Variants in IGF2 observed in about 807,000 individuals in gnomAD.
The protein encoded by IGF2 is insulin like growth factor 2.
In IGF2, 2 loss-of-function variants were observed where a neutral mutation model predicts 12.0. That is an observed-to-expected ratio of 0.17 (90% CI 0.07 to 0.52). IGF2 has a LOEUF of 0.52. Ranked by LOEUF, IGF2 falls within the 20% of genes least tolerant of loss-of-function variation. IGF2 has a pLI of 0.95. For missense variants in IGF2, 211 were observed against 268.0 expected (o/e 0.79, Z 1.48); for synonymous variants, 105 against 110.1 (o/e 0.95, Z 0.29).
intron 2 of IGF2, among the ~76,000 whole-genome samples, chr11:2,134,840 C>T (rs1003908359): frequency 2.0e-5 from 3 of 152,332 alleles, no homozygotes; most frequent in Non-Finnish European, 2.9e-5. Flanking sequence ...GGGCACCCCC[C>T]ACGGCAGCCT....
In IGF2 at chr11:2,133,793, G is replaced by A. The variant is rs563848582; in HGVS notation, c.158-128C>T. Reference sequence around the variant, plus strand: ...CTGGAAGGACGCAGCCACCCTGCGGGTCAGGGGAGGGAAGTGAGAGCTGGC... The same window carrying A: ...CTGGAAGGACGCAGCCACCCTGCGGATCAGGGGAGGGAAGTGAGAGCTGGC... On this transcript the variant is annotated intron_variant, in intron 2 of 3. Transcript: ENST00000416167. This position sits in a 1 kb window ranked among gnomAD's most constrained non-coding sequence, Gnocchi z 8.9. 8.8e-7 allele frequency: 1 copy of A among 1,134,384 alleles called. No homozygotes were observed. Among genetic ancestry groups the A allele is most frequent in the Middle Eastern group, 2.8e-4 (1 of 3,514 alleles). 70.3% of individuals were successfully genotyped at this position (1,134,384 alleles called of 1,614,324 possible). A position where few individuals can be genotyped will look rare whatever the true frequency, so the allele number is the denominator to read the frequency against.
chr11:2,134,280 G>A (rs1858833634), intron 2 of IGF2: 1 of 399,764 alleles, frequency 2.5e-6, no homozygotes, highest in South Asian at 1.9e-5. Context: ...CAAAGGGCAG[G>A]TGCCATCAGC....
At chr11:2,147,759 G>A in the IGF2 span, 7 of 1,248,898 alleles carry the variant, frequency 5.6e-6, no homozygotes, top group South Asian at 2.4e-4. The surrounding 1 kb of genome is among the most constrained non-coding windows in gnomAD (Gnocchi z 7.2). Flanking sequence ...GGGGCTGGGG[G>A]CTGGAATCCA....
At chr11:2,149,466 C>G in the IGF2 span, 1 of 809,580 alleles carries the variant, frequency 1.2e-6, no homozygotes, top group Non-Finnish European at 2.0e-6. Context: ...TGGGTTTACC[C>G]CTCACCTCCT....
chr11:2,138,090 CT>C, intron 1 of IGF2, 138 bp downstream of exon 1: 1 of 367,876 alleles, frequency 2.7e-6, no homozygotes, highest in Non-Finnish European at 3.8e-6. Flanking sequence ...CCTCCTCCTC[CT>C]CCTCCCCCCC....
chr11:2,147,477 C>A, the IGF2 span: 5 of 520,188 alleles, frequency 9.6e-6, no homozygotes, highest in Admixed American at 8.8e-5. This position sits in a 1 kb window ranked among gnomAD's most constrained non-coding sequence, Gnocchi z 7.2. Context: ...GCCAAAGCTG[C>A]TTGCAGAAGG....
rs957056382 is a variant in IGF2, at chr11:2,138,391, G to A, written c.-169C>T. The A allele has an allele frequency of 1.5e-5, 8 of 536,974 alleles. No homozygotes were observed. The East Asian group carries it at 6.2e-4, about 42-fold the overall frequency. 33.3% of individuals were successfully genotyped at this position (536,974 alleles called of 1,614,324 possible). A position where few individuals can be genotyped will look rare whatever the true frequency, so the allele number is the denominator to read the frequency against. On this transcript the variant is annotated 5_prime_UTR_variant, in exon 1 of 4. Coordinates refer to ENST00000416167, the MANE Select transcript of IGF2 (RefSeq NM_000612.6). ...GAGCGGGGGGATGGCTTTTTTTTGGGGGGGGGGGGAGAATTCGTCTGATTG... is the reference window on the plus strand; with the variant it reads ...GAGCGGGGGGATGGCTTTTTTTTGGAGGGGGGGGGAGAATTCGTCTGATTG...
In IGF2 at chr11:2,138,769, A is replaced by T; in HGVS notation, c.-547T>A. On this transcript the variant is annotated 5_prime_UTR_variant, in exon 1 of 4. Transcript: ENST00000416167. ...GAGGGAGCGAAGGGAAGGTTGCGGGAGAAAGAGCGGGGGCCGGGGCCAGAC... is the reference window on the plus strand; with the variant it reads ...GAGGGAGCGAAGGGAAGGTTGCGGGTGAAAGAGCGGGGGCCGGGGCCAGAC... 3 of 927,316 alleles carry T rather than the reference A, an allele frequency of 3.2e-6. No individual in the cohort carries two copies. The highest frequency in any genetic ancestry group is 3.8e-6 in the Non-Finnish European group (3 of 787,268). The allele number at this position is 927,316 out of a possible 1,614,324, so 57.4% of individuals were successfully genotyped here. A position where few individuals can be genotyped will look rare whatever the true frequency, so the allele number is the denominator to read the frequency against.
upstream of IGF2, chr11:2,140,024 GC>G (rs1337504385): frequency 9.3e-7 from 1 of 1,073,100 alleles, no homozygotes; most frequent in East Asian, 3.0e-5. Flanking sequence ...GGTGCGGGAC[GC>G]GCGGAAGGCC....
the IGF2 span, chr11:2,147,818 A>G: frequency 1.6e-6 from 2 of 1,245,442 alleles, no homozygotes; most frequent in Non-Finnish European, 2.0e-6. This position sits in a 1 kb window ranked among gnomAD's most constrained non-coding sequence, Gnocchi z 7.2. Context: ...CTGGGGAAAA[A>G]CAAAAAGATA....
In IGF2 at chr11:2,133,210, C is replaced by A. The variant is rs771744589; in HGVS notation, c.320G>T (p.Arg107Ile). ...TTGGAAGAACTTGCCCACGGGGTAT[C>A]TGGGGAAGTTGTCCTGGGAGGGGAA... Reference protein sequence around the residue: ...PPTVLPDNFPRYPVGKFFQYD... With the variant: ...PPTVLPDNFPIYPVGKFFQYD... The change falls in exon 4 of 4, where the codon AGA becomes ATA. Residue 107 changes from arginine (R) to isoleucine (I), a missense_variant. Coordinates refer to ENST00000416167, the MANE Select transcript of IGF2 (RefSeq NM_000612.6). The surrounding 1 kb of genome is among the most constrained non-coding windows in gnomAD (Gnocchi z 8.9). 6.4e-7 allele frequency: 1 copy of A among 1,551,422 alleles called. No homozygotes were observed. The highest frequency in any genetic ancestry group is 8.7e-7 in the Non-Finnish European group (1 of 1,146,952).
chr11:2,137,219 G>A lies in IGF2; in HGVS notation c.-7+1010C>T, dbSNP rs993553911. 17 of 916,498 alleles carry A rather than the reference G, an allele frequency of 1.9e-5. No individual in the cohort carries two copies. The South Asian group carries it at 2.0e-4, about 11-fold the overall frequency. 56.8% of individuals were successfully genotyped at this position (916,498 alleles called of 1,614,324 possible). A position where few individuals can be genotyped will look rare whatever the true frequency, so the allele number is the denominator to read the frequency against. On this transcript the variant is annotated intron_variant, in intron 1 of 3. Transcript: ENST00000416167. ...CTCAGCAGAAGGCTCGCTGGGGCAGGAGGAGGAGGAGGAAGAGGAGGAGGA... is the reference window on the plus strand; with the variant it reads ...CTCAGCAGAAGGCTCGCTGGGGCAGAAGGAGGAGGAGGAAGAGGAGGAGGA...
rs551467536 is a variant in IGF2 at position 2,136,532 on chromosome 11, A to G, written c.-6-1003T>C. 7.9e-5 allele frequency among the ~76,000 whole-genome samples: 12 copies of G among 152,350 alleles called. No individual in the cohort carries two copies. In the East Asian group the frequency reaches 2.3e-3, roughly 29 times the overall value. On this transcript the variant is annotated intron_variant, in intron 1 of 3. Transcript: ENST00000416167. ...GGGGTGGGAGGCCGGGAGCCACCAC[A>G]GCAAGTTGGCCCTGCCCCTGCAGAA...
At chr11:2,135,189 G>T (rs1858914161) in intron 2 of IGF2, among the ~76,000 whole-genome samples, 178 bp downstream of exon 2, 1 of 152,226 alleles carries the variant, frequency 6.6e-6, no homozygotes, top group African/African-American at 2.4e-5. Context: ...AAAGGCAGCT[G>T]GTGTGGATGC....
Position 2,132,081 on chromosome 11 carries a change from C to T in IGF2, c.*906G>A, listed in dbSNP as rs56731553. 3.0e-4 allele frequency: 17 copies of T among 57,246 alleles called. No individual in the cohort carries two copies. Among genetic ancestry groups the T allele is most frequent in the Non-Finnish European group, 3.2e-4 (10 of 30,846 alleles). The allele number at this position is 57,246 out of a possible 1,614,324, so 3.5% of individuals were successfully genotyped here. A position where few individuals can be genotyped will look rare whatever the true frequency, so the allele number is the denominator to read the frequency against. On this transcript the variant is annotated 3_prime_UTR_variant, in exon 4 of 4. Coordinates refer to ENST00000416167, the MANE Select transcript of IGF2 (RefSeq NM_000612.6). ...TGCTCGTGTGTGTGCTGTGTTCATG[C>T]GTGTGCTGTGTGTTGTGTGTGTGTA...
In IGF2 at chr11:2,129,496, C is replaced by A; in HGVS notation, c.*3491G>T. The stretch of plus-strand genomic sequence containing the variant: ...CGGCAAGTGCCCCCGGGAACACCCA[C>A]TCCGGCGAGGCAGAATATAACACTG... On this transcript the variant is annotated 3_prime_UTR_variant, in exon 4 of 4. Coordinates refer to ENST00000416167, the MANE Select transcript of IGF2 (RefSeq NM_000612.6). The surrounding 1 kb of genome is among the most constrained non-coding windows in gnomAD (Gnocchi z 8.1). The A allele has an allele frequency of 4.4e-6, 1 of 228,622 alleles. No homozygotes were observed. The highest frequency in any genetic ancestry group is 8.7e-6 in the Non-Finnish European group (1 of 115,032). The allele number at this position is 228,622 out of a possible 1,614,324, so 14.2% of individuals were successfully genotyped here.
At position 2,138,547 on chromosome 11, in the gene IGF2, A is replaced by T; in HGVS notation, c.-325T>A. On this transcript the variant is annotated 5_prime_UTR_variant, in exon 1 of 4. Coordinates refer to ENST00000416167, the MANE Select transcript of IGF2 (RefSeq NM_000612.6). ...GGGGGGCAGAGATAGTGGGAGAGAC[A>T]GAGTGAACGTGAAAGGGGGGGGCCG... The T allele has an allele frequency of 2.1e-6, 1 of 473,922 alleles. No homozygotes were observed. Among genetic ancestry groups the T allele is most frequent in the Non-Finnish European group, 2.5e-6 (1 of 399,054 alleles). The allele number at this position is 473,922 out of a possible 1,614,324, so 29.4% of individuals were successfully genotyped here.
rs113064670 is a variant in IGF2, at chr11:2,132,040, G to A, written c.*947C>T. The A allele has an allele frequency of 0.019, 3,286 of 175,942 alleles. 71 individuals carry two copies. The highest frequency in any genetic ancestry group is 0.027 in the Non-Finnish European group (2,392 of 89,156). The allele number at this position is 175,942 out of a possible 1,614,324, so 10.9% of individuals were successfully genotyped here. ...CATCTGTGTGCTGTGTGTGCTGTGCGTTTGTGTGTGTGCTGTGCTCGTGTG... is the reference window on the plus strand; with the variant it reads ...CATCTGTGTGCTGTGTGTGCTGTGCATTTGTGTGTGTGCTGTGCTCGTGTG... On this transcript the variant is annotated 3_prime_UTR_variant, in exon 4 of 4. Coordinates refer to ENST00000416167, the MANE Select transcript of IGF2 (RefSeq NM_000612.6).
chr11:2,135,570 C>G, intron 1 of IGF2, 41 bp from the exon 2 acceptor site: 1 of 1,584,704 alleles, frequency 6.3e-7, no homozygotes, highest in Non-Finnish European at 8.6e-7. Flanking sequence ...GGCAGCCAGG[C>G]CAAGCCCCAG....
Sources: gnomAD v4.1 joint callset for allele counts (sites outside exome capture counted in the v4.1 genomes callset) on GRCh38, gnomAD v4.1.1 for gene constraint, Gnocchi (gnomAD v3.1) non-coding constraint, MANE v1.5 for transcripts, NCBI Gene and HGNC (gene_info 2026-07-23, HGNC 2026-07-21) for gene names.